The following MYPN variants were observed in gnomAD, a reference collection of about 807,000 sequenced individuals.
MYPN encodes the protein myopalladin.
Under a neutral mutation model 129.4 loss-of-function variants are expected in MYPN, and 63 were observed. That is an observed-to-expected ratio of 0.49 (90% CI 0.40 to 0.60). MYPN has a LOEUF of 0.60. Ranked by LOEUF, MYPN falls within the 20% of genes least tolerant of loss-of-function variation. The probability of loss-of-function intolerance (pLI) is 0.00; values close to 1 mark genes in which losing one functional copy is unlikely to be tolerated. For missense variants in MYPN, 1,596 were observed against 1,635.4 expected, an observed-to-expected ratio of 0.98 and a Z score of 0.42; for synonymous variants, 629 against 600.9, an observed-to-expected ratio of 1.05 and a Z score of -0.68.
rs199553544 is a variant in MYPN at position 68,186,231 on chromosome 10, T to TA, written c.2704-2673dup. The stretch of plus-strand genomic sequence containing the variant: ...TAAGAACTGTGTACTTACTTTTTTT[T>TA]ACCCAGTTTGAGACGAGGCAGAGAG... On this transcript the variant is annotated intron_variant, in intron 12 of 19. Coordinates refer to ENST00000358913, the MANE Select transcript of MYPN (RefSeq NM_032578.4). Among the ~76,000 whole-genome samples, 325 of 152,320 alleles carry TA rather than the reference T, an allele frequency of 2.1e-3. 3 individuals are homozygous for TA. The highest frequency in any genetic ancestry group is 7.3e-3 in the African/African-American group (303 of 41,562).
chr10:68,203,012 A>G (rs2134316918), intron 18 of MYPN, among the ~76,000 whole-genome samples: 1 of 152,338 alleles, frequency 6.6e-6, no homozygotes, highest in Non-Finnish European at 1.5e-5. Flanking sequence ...AGGGTCTACA[A>G]TTTTAAATAT....
At chr10:68,190,744 CA>C (rs1360736148) in intron 13 of MYPN, among the ~76,000 whole-genome samples, 3 of 151,938 alleles carry the variant, frequency 2.0e-5, no homozygotes, top group Non-Finnish European at 2.9e-5. Flanking sequence ...AGGTCTTACC[CA>C]AAAAAAAATT....
intron 12 of MYPN, among the ~76,000 whole-genome samples, chr10:68,185,522 G>A (rs1466312908): frequency 6.6e-6 from 1 of 152,108 alleles, no homozygotes; most frequent in South Asian, 2.1e-4. Flanking sequence ...ATGAGCACAG[G>A]CACCCAGTCC....
At chr10:68,174,016 C>T in intron 10 of MYPN, 50 bp from the exon 11 acceptor site, 1 of 1,392,086 alleles carries the variant, frequency 7.2e-7, no homozygotes, top group Non-Finnish European at 1.0e-6. Context: ...AAAGGTGAGG[C>T]CAATAATAAC....
In MYPN at chr10:68,153,962, T is replaced by C. The variant is rs997055806; in HGVS notation, c.1317+3851T>C. Among the ~76,000 whole-genome samples the C allele has an allele frequency of 2.1e-4, 32 of 152,204 alleles. 1 individual carries two copies. The highest frequency in any genetic ancestry group is 7.7e-4 in the African/African-American group (32 of 41,522). On this transcript the variant is annotated intron_variant, in intron 6 of 19. Coordinates refer to ENST00000358913, the MANE Select transcript of MYPN (RefSeq NM_032578.4). Reference sequence around the variant, plus strand: ...AAAGCAACGCTTAGCGAGCAGAGTTTTATTTAACTCCTTCCTCTGCTGGTG... The same window carrying C: ...AAAGCAACGCTTAGCGAGCAGAGTTCTATTTAACTCCTTCCTCTGCTGGTG...
intron 6 of MYPN, among the ~76,000 whole-genome samples, chr10:68,153,525 C>T (rs1477636836): frequency 1.3e-5 from 2 of 152,064 alleles, no homozygotes; most frequent in Non-Finnish European, 2.9e-5. Flanking sequence ...TACACAGACC[C>T]AAACCCTGAC....
rs2043684303 is a variant in MYPN at position 68,200,087 on chromosome 10, G to C, written c.3493+512G>C. Among the ~76,000 whole-genome samples the C allele has an allele frequency of 2.0e-5, 3 of 152,172 alleles. No individual in the cohort carries two copies. The South Asian group carries it at 6.2e-4, about 32-fold the overall frequency. Reference sequence around the variant, plus strand: ...CCCTTCCCAGCCTAACAACCGTAAAGTGTTTCCATAGCACTCAGAAAAGGA... The same window carrying C: ...CCCTTCCCAGCCTAACAACCGTAAACTGTTTCCATAGCACTCAGAAAAGGA... On this transcript the variant is annotated intron_variant, in intron 17 of 19. Coordinates refer to ENST00000358913, the MANE Select transcript of MYPN (RefSeq NM_032578.4).
Position 68,157,881 on chromosome 10 carries a change from A to AT in MYPN, c.1318-604dup, listed in dbSNP as rs1367877935. 7.3e-5 allele frequency among the ~76,000 whole-genome samples: 11 copies of AT among 151,116 alleles called. 1 individual carries two copies. Among genetic ancestry groups the AT allele is most frequent in the Admixed American group, 4.6e-4 (7 of 15,148 alleles). The stretch of plus-strand genomic sequence containing the variant: ...AAACAAAAAAAAACACCCCCGACCA[A>AT]TAAAAAAAAAACCCAAACCAAAACA... On this transcript the variant is annotated intron_variant, in intron 6 of 19. Transcript: ENST00000358913.
intron 4 of MYPN, among the ~76,000 whole-genome samples, chr10:68,148,036 A>T (rs1319004093): frequency 6.6e-6 from 1 of 152,178 alleles, no homozygotes; most frequent in African/African-American, 2.4e-5. Context: ...AACAAATCTC[A>T]AAAAATTACC....
Position 68,174,587 on chromosome 10 carries a change from C to T in MYPN, c.2495C>T (p.Ser832Phe), listed in dbSNP as rs1416050336. The T allele has an allele frequency of 2.5e-6, 4 of 1,614,084 alleles. No homozygotes were observed. Among genetic ancestry groups the T allele is most frequent in the Non-Finnish European group, 3.4e-6 (4 of 1,180,036 alleles). ...CAGAACCCAGTGGCTTTCCTCAGCTCTGTTCTGCCTTCTCTCCCTGCCATC... is the reference window on the plus strand; with the variant it reads ...CAGAACCCAGTGGCTTTCCTCAGCTTTGTTCTGCCTTCTCTCCCTGCCATC... ...RIQNPVAFLSSVLPSLPAIPP... is the reference protein window; with the variant it reads ...RIQNPVAFLSFVLPSLPAIPP... Residue 832 changes from serine to phenylalanine, a missense_variant, in exon 11 of 20, where the codon TCT (serine) becomes TTT (phenylalanine). Transcript: ENST00000358913.
chr10:68,123,520 C>CAA (rs56730644), intron 2 of MYPN, among the ~76,000 whole-genome samples: 4,235 of 118,044 alleles, frequency 0.036, 211 homozygotes, highest in East Asian at 0.22. Flanking sequence ...ACTAAAAATA[C>CAA]AAAAAAAAAA....
At chr10:68,195,604 A>C in intron 15 of MYPN, 72 bp downstream of exon 15, 7 of 1,198,112 alleles carry the variant, frequency 5.8e-6, no homozygotes, top group Non-Finnish European at 8.7e-6. Context: ...GCACCAAAGT[A>C]CTGGATCCAC....
At chr10:68,206,380 G>A (rs946108224) in intron 18 of MYPN, among the ~76,000 whole-genome samples, 9 of 152,164 alleles carry the variant, frequency 5.9e-5, no homozygotes, top group African/African-American at 2.2e-4. Flanking sequence ...CGTCTATGCT[G>A]CCAGTTCATC....
At chr10:68,195,600 A>G in intron 15 of MYPN, 68 bp downstream of exon 15, 1 of 1,233,046 alleles carries the variant, frequency 8.1e-7, no homozygotes, top group Non-Finnish European at 1.2e-6. Flanking sequence ...GTGAGCACCA[A>G]AGTACTGGAT....
intron 12 of MYPN, among the ~76,000 whole-genome samples, chr10:68,185,831 GA>G (rs141573040): frequency 6.6e-6 from 1 of 151,636 alleles, no homozygotes. Context: ...ATCCAACAAA[GA>G]AAAAAAATAT....
intron 14 of MYPN, 100 bp downstream of exon 14, chr10:68,194,612 T>A: frequency 7.5e-7 from 1 of 1,325,574 alleles, no homozygotes; most frequent in Non-Finnish European, 1.1e-6. Flanking sequence ...TAAGGATTGC[T>A]GAGGAAAATG....
chr10:68,196,483 C>CTTT (rs71009021), intron 15 of MYPN, among the ~76,000 whole-genome samples: 9 of 112,504 alleles, frequency 8.0e-5, no homozygotes, highest in South Asian at 6.1e-4. Context: ...CCTTCTTCTT[C>CTTT]TTTTTTTTTT....
intron 6 of MYPN, among the ~76,000 whole-genome samples, chr10:68,151,642 C>T (rs2042773291): frequency 6.6e-6 from 1 of 152,160 alleles, no homozygotes; most frequent in Admixed American, 6.5e-5. Flanking sequence ...TTTGTCACAC[C>T]TTAGAGACAG....
chr10:68,137,854 T>A (rs550193024), intron 2 of MYPN, among the ~76,000 whole-genome samples: 1 of 152,196 alleles, frequency 6.6e-6, no homozygotes, highest in Non-Finnish European at 1.5e-5. Flanking sequence ...TGTCTATCAT[T>A]TGTTCTTTCA....
Sources: allele counts gnomAD v4.1 joint callset (sites outside exome capture counted in the v4.1 genomes callset), GRCh38; gene constraint gnomAD v4.1.1; transcripts MANE v1.5; gene names NCBI Gene and HGNC (gene_info 2026-07-23, HGNC 2026-07-21).